Variants in ANO7 observed in about 807,000 individuals in gnomAD.
ANO7 encodes the protein anoctamin-7.
A neutral mutation model predicts 115.8 loss-of-function variants in ANO7; 114 were observed. The ratio of observed to expected loss-of-function variants is 0.98; its 90% CI spans 0.85 to 1.15. The LOEUF (loss-of-function observed/expected upper bound fraction) is 1.15. Among genes scored for constraint, ANO7 ranks in the 50% most tolerant of loss-of-function variants. ANO7 has a pLI of 0.00. For synonymous variants in ANO7, 550 were observed against 498.2 expected, an observed-to-expected ratio of 1.10 and a Z score of -1.38; for missense variants, 1,302 against 1,201.2, an observed-to-expected ratio of 1.08 and a Z score of -1.24.
intron 15 of ANO7, among the ~76,000 whole-genome samples, chr2:241,211,136 A>G (rs4675981): frequency 0.48 from 72,310 of 151,952 alleles, 19,721 homozygotes; most frequent in East Asian, 0.82. Context: ...TGGAGATAAA[A>G]GACCCTGGGG....
intron 3 of ANO7, among the ~76,000 whole-genome samples, chr2:241,193,760 A>G (rs2068257398): frequency 6.6e-6 from 1 of 152,232 alleles, no homozygotes; most frequent in South Asian, 2.1e-4. Context: ...GTTTTGTGTC[A>G]AAGGGATTAA....
At chr2:241,204,008 C>A (rs1190881510) in intron 9 of ANO7, among the ~76,000 whole-genome samples, 1 of 152,224 alleles carries the variant, frequency 6.6e-6, no homozygotes, top group Non-Finnish European at 1.5e-5. Flanking sequence ...TGCCCCAGAA[C>A]TTCCAAAGCC....
chr2:241,209,755 A>C, intron 13 of ANO7, 120 bp downstream of exon 13: 1 of 1,340,910 alleles, frequency 7.5e-7, no homozygotes, highest in Non-Finnish European at 9.8e-7. Flanking sequence ...CAGAACCCTC[A>C]CTCCCCGCAG....
downstream of ANO7, chr2:241,230,359 A>G (rs2069594617): frequency 1.2e-6 from 1 of 848,160 alleles, no homozygotes; most frequent in Admixed American, 2.4e-5. This position sits in a 1 kb window ranked among gnomAD's most constrained non-coding sequence, Gnocchi z 5.0. Flanking sequence ...GCATTTTCTG[A>G]GTTAGCAAAC....
chr2:241,233,054 G>A, the ANO7 span, among the ~76,000 whole-genome samples: 2 of 152,150 alleles, frequency 1.3e-5, no homozygotes, highest in Admixed American at 1.3e-4. This position sits in a 1 kb window ranked among gnomAD's most constrained non-coding sequence, Gnocchi z 4.3. Context: ...CGAGGGGCGT[G>A]GAGGGGCTCT....
chr2:241,206,523 T>C (rs1215500911), intron 10 of ANO7, among the ~76,000 whole-genome samples: 6 of 13,234 alleles, frequency 4.5e-4, no homozygotes, highest in Non-Finnish European at 4.7e-4. Context: ...GACAGGAGTG[T>C]TCCCAGTCTG....
chr2:241,188,784 A>C lies in ANO7; in HGVS notation c.-8+18A>C, dbSNP rs1193807706. 16 of 1,607,960 alleles carry C rather than the reference A, an allele frequency of 1.0e-5. No homozygotes were observed. The highest frequency in any genetic ancestry group is 1.4e-5 in the Non-Finnish European group (16 of 1,176,676). On this transcript the variant is annotated intron_variant, in intron 1 of 24. Coordinates refer to ENST00000674324, the MANE Select transcript of ANO7 (RefSeq NM_001370694.2). The surrounding 1 kb of genome is among the most constrained non-coding windows in gnomAD (Gnocchi z 4.3). ...TGTGCCAGGTGGGGACCCAGCCTAG[A>C]CGTGTGGGCCACAGGGAGAAGGTGG... is the stretch of plus-strand genomic sequence containing the variant.
Position 241,203,417 on chromosome 2 carries a change from G to A in ANO7, c.808G>A (p.Gly270Ser). 2 of 1,596,408 alleles carry A rather than the reference G, an allele frequency of 1.3e-6. No homozygotes were observed. Among genetic ancestry groups the A allele is most frequent in the Non-Finnish European group, 1.7e-6 (2 of 1,172,462 alleles). ...CCTTTTCCAGCACTGGGCGCGCTGG[G>A]GCAAGTGGAACAAGTACCAGCCCCT... ...QVLFQHWARW[G>S]KWNKYQPLDH... The change falls in exon 9 of 25, where the codon GGC becomes AGC. Residue 270 changes from glycine to serine, a missense_variant. Physicochemically the swap from Gly to Ser is moderately conservative, Grantham distance 56. Transcript: ENST00000674324. This position sits in a 1 kb window ranked among gnomAD's most constrained non-coding sequence, Gnocchi z 4.8.
At position 241,217,846 on chromosome 2, in the gene ANO7, G is replaced by C; in HGVS notation, c.2133G>C (p.Trp711Cys). The C allele has an allele frequency of 2.5e-6, 4 of 1,607,316 alleles. No individual in the cohort carries two copies. Among genetic ancestry groups the C allele is most frequent in the Non-Finnish European group, 3.4e-6 (4 of 1,178,454 alleles). ...AGCGCGCCCAGGACATCGGCATCTGGTTCCACATCCTGGCGGGCCTCACGC... is the reference window on the plus strand; with the variant it reads ...AGCGCGCCCAGGACATCGGCATCTGCTTCCACATCCTGGCGGGCCTCACGC... ...VAERAQDIGI[W>C]FHILAGLTHL... is the part of the protein sequence containing the mutation. Residue 711 changes from tryptophan (W) to cysteine (C), a missense_variant, in exon 20 of 25, where the codon TGG (tryptophan) becomes TGC (cysteine). Coordinates refer to ENST00000674324, the MANE Select transcript of ANO7 (RefSeq NM_001370694.2).
Position 241,191,245 on chromosome 2 carries a change from CG to C in ANO7, c.162del (p.Ile55SerfsTer12), listed in dbSNP as rs759951347. ...CAGAGCTGGGAGTCCTGCCAAGCCC[CG>C]GATCGGTGAGCCCCTCCCAGCACCT... ...ACRAGSPAKP[R>X]IADFVLVWEE... is the part of the protein sequence containing the mutation. On this transcript the variant is annotated frameshift_variant, in exon 3 of 25. Coordinates refer to ENST00000674324, the MANE Select transcript of ANO7 (RefSeq NM_001370694.2). LOFTEE classifies it high-confidence loss of function. The C allele has an allele frequency of 2.5e-6, 4 of 1,613,690 alleles. No homozygotes were observed. Among genetic ancestry groups the C allele is most frequent in the African/African-American group, 1.3e-5 (1 of 74,922 alleles).
At chr2:241,209,721 G>A (rs894412466) in intron 13 of ANO7, 86 bp downstream of exon 13, 64 of 1,467,446 alleles carry the variant, frequency 4.4e-5, no homozygotes, top group Non-Finnish European at 4.9e-5. Flanking sequence ...CCTTGGTGCC[G>A]TGGCCAGATG....
intron 1 of ANO7, 127 bp from the exon 2 acceptor site, chr2:241,189,930 C>G: frequency 1.4e-6 from 1 of 698,782 alleles, no homozygotes; most frequent in South Asian, 1.9e-5. Context: ...CCGAGCCAGC[C>G]CAGCCCCATT....
chr2:241,201,798 C>T (rs942113626), intron 7 of ANO7, among the ~76,000 whole-genome samples: 2 of 151,352 alleles, frequency 1.3e-5, no homozygotes, highest in Admixed American at 6.6e-5. Flanking sequence ...CACACAGTCA[C>T]GTGGCTGCCC....
At position 241,195,312 on chromosome 2, in the gene ANO7, G is replaced by A. The variant is rs58651140; in HGVS notation, c.167-391G>A. On this transcript the variant is annotated intron_variant, in intron 3 of 24. Coordinates refer to ENST00000674324, the MANE Select transcript of ANO7 (RefSeq NM_001370694.2). ...CTCATGCCAGAAAATCAGGGGCTTC[G>A]GAAACTTTCTTCAGCTTTGATGATT... Among the ~76,000 whole-genome samples the A allele has an allele frequency of 9.1e-3, 1,388 of 152,248 alleles. 30 individuals carry two copies. The highest frequency in any genetic ancestry group is 0.031 in the African/African-American group (1,268 of 41,536).
chr2:241,217,534 G>A (rs1008067784), intron 19 of ANO7, 152 bp from the exon 20 acceptor site: 24 of 895,682 alleles, frequency 2.7e-5, no homozygotes, highest in Middle Eastern at 3.3e-4. Context: ...GCGCTGCGCG[G>A]TCCAGGACGA....
At chr2:241,190,198 C>T (rs572772782) in intron 2 of ANO7, 27 bp downstream of exon 2, 91 of 1,538,370 alleles carry the variant, frequency 5.9e-5, no homozygotes, top group Non-Finnish European at 7.1e-5. Flanking sequence ...GACTGTGGTG[C>T]GACTTGAGAG....
rs1425951547 is a variant in ANO7, at chr2:241,203,329, C to T, written c.724-4C>T. 2.6e-6 allele frequency: 4 copies of T among 1,531,816 alleles called. No individual in the cohort carries two copies. In the African/African-American group the frequency reaches 4.2e-5, roughly 16 times the overall value. 94.9% of individuals were successfully genotyped at this position (1,531,816 alleles called of 1,614,324 possible). On this transcript the variant is annotated splice_region_variant and splice_polypyrimidine_tract_variant and intron_variant, in intron 8 of 24. Transcript: ENST00000674324. This position sits in a 1 kb window ranked among gnomAD's most constrained non-coding sequence, Gnocchi z 4.8. ...CCTCCCACCCACAGGCCGCTCGCCC[C>T]CAGGGCCCCTTCAAGACGCCCCCAG...
intron 1 of ANO7, 142 bp from the exon 2 acceptor site, chr2:241,189,914 AG>A (rs2068150447): frequency 1.7e-6 from 1 of 605,148 alleles, no homozygotes; most frequent in Non-Finnish European, 2.9e-6. Context: ...TGGCCAGGAG[AG>A]TCTGCCGAGC....
chr2:241,208,966 G>A (rs189111253), intron 11 of ANO7, among the ~76,000 whole-genome samples: 252 of 152,222 alleles, frequency 1.7e-3, no homozygotes, highest in Middle Eastern at 0.01. Flanking sequence ...TGGCTAACAC[G>A]GTGAAACCTC....
Sources: allele counts gnomAD v4.1 joint callset (sites outside exome capture counted in the v4.1 genomes callset), GRCh38; gene constraint gnomAD v4.1.1; non-coding constraint Gnocchi (gnomAD v3.1); transcripts MANE v1.5; gene names NCBI Gene and HGNC (gene_info 2026-07-23, HGNC 2026-07-21).